The following SNX18 variants were observed in gnomAD, a reference collection of about 807,000 sequenced individuals.
SNX18 encodes the protein sorting nexin-18.
In SNX18, 35 loss-of-function variants were observed where a neutral mutation model predicts 48.7. That is an observed-to-expected ratio of 0.72 (90% CI 0.55 to 0.95). The LOEUF (loss-of-function observed/expected upper bound fraction) is 0.95, where lower values mean the gene tolerates loss of function less well. SNX18 is among the 40% of genes least tolerant of loss of function. SNX18 has a pLI of 0.00. For synonymous variants in SNX18, 492 were observed against 384.7 expected, an observed-to-expected ratio of 1.28 and a Z score of -3.26; for missense variants, 824 against 871.0, an observed-to-expected ratio of 0.95 and a Z score of 0.68.
the SNX18 span, among the ~76,000 whole-genome samples, chr5:54,631,268 A>C: frequency 2.0e-5 from 3 of 152,252 alleles, no homozygotes; most frequent in Admixed American, 2.0e-4. Flanking sequence ...CTCTAAAGGA[A>C]TGTTTCATAG....
downstream of SNX18, among the ~76,000 whole-genome samples, chr5:54,547,377 A>G (rs1383232070): frequency 6.6e-6 from 1 of 152,234 alleles, no homozygotes; most frequent in Non-Finnish European, 1.5e-5. Context: ...CACACAAACT[A>G]AATGATGGAG....
chr5:54,526,387 T>G (rs1762132538), intron 1 of SNX18, among the ~76,000 whole-genome samples: 1 of 152,124 alleles, frequency 6.6e-6, no homozygotes, highest in African/African-American at 2.4e-5. Flanking sequence ...GGATTACAGG[T>G]GTGAGCCACC....
chr5:54,588,295 T>C, the SNX18 span, among the ~76,000 whole-genome samples: 1 of 142,122 alleles, frequency 7.0e-6, no homozygotes, highest in Non-Finnish European at 1.5e-5. Context: ...AAAAATACTG[T>C]TATTTCTATT....
chr5:54,582,635 A>C, the SNX18 span, among the ~76,000 whole-genome samples: 3 of 152,174 alleles, frequency 2.0e-5, no homozygotes, highest in Admixed American at 6.5e-5. Context: ...ACAACAACAA[A>C]AAAAACATTA....
At chr5:54,584,962 T>C in the SNX18 span, among the ~76,000 whole-genome samples, 3 of 152,180 alleles carry the variant, frequency 2.0e-5, no homozygotes, top group Non-Finnish European at 4.4e-5. Context: ...TGTTTGCCAC[T>C]CACTCTGTGG....
Position 54,518,886 on chromosome 5 carries a change from C to T in SNX18, c.934C>T (p.Arg312Cys). 1 of 1,613,862 alleles carries T rather than the reference C, an allele frequency of 6.2e-7. No homozygotes were observed. Among genetic ancestry groups the T allele is most frequent in the Non-Finnish European group, 8.5e-7 (1 of 1,179,908 alleles). The change falls in exon 1 of 2, where the codon CGC (arginine) becomes TGC (cysteine). Residue 312 changes from arginine to cysteine, a missense_variant. Arg to Cys is a radical substitution (Grantham distance 180, BLOSUM62 -3). Coordinates refer to ENST00000381410, the MANE Select transcript of SNX18 (RefSeq NM_001102575.2). ...GCACACGCAGGTGCCGGTGCATCGG[C>T]GCTACAAGCACTTCGACTGGCTGTA... ...PTHTQVPVHRRYKHFDWLYAR... is the reference protein window; with the variant it reads ...PTHTQVPVHRCYKHFDWLYAR...
the SNX18 span, among the ~76,000 whole-genome samples, chr5:54,580,852 A>G: frequency 6.6e-6 from 1 of 152,258 alleles, no homozygotes; most frequent in Non-Finnish European, 1.5e-5. Flanking sequence ...TTAATGTTAC[A>G]TGTCATAGTA....
At chr5:54,595,462 C>G in the SNX18 span, among the ~76,000 whole-genome samples, 1 of 152,266 alleles carries the variant, frequency 6.6e-6, no homozygotes, top group East Asian at 1.9e-4. Flanking sequence ...GTCTCCAACT[C>G]CTGACCTCAT....
the SNX18 span, among the ~76,000 whole-genome samples, chr5:54,641,961 T>C: frequency 6.6e-6 from 1 of 152,192 alleles, no homozygotes; most frequent in African/African-American, 2.4e-5. Flanking sequence ...ACTAAAGAGC[T>C]ATTCAAGGAC....
the SNX18 span, chr5:54,644,480 G>C: frequency 2.6e-5 from 4 of 152,130 alleles, no homozygotes; most frequent in Admixed American, 1.3e-4. Flanking sequence ...GAGATTGCTG[G>C]CATCTACCCA....
the SNX18 span, among the ~76,000 whole-genome samples, chr5:54,577,176 T>C: frequency 3.3e-5 from 5 of 152,134 alleles, no homozygotes; most frequent in African/African-American, 1.2e-4. Context: ...TCTAATTCCA[T>C]CAGTTTTTAG....
At chr5:54,561,078 G>A in the SNX18 span, among the ~76,000 whole-genome samples, 1 of 152,298 alleles carries the variant, frequency 6.6e-6, no homozygotes, top group African/African-American at 2.4e-5. Flanking sequence ...GTTTTGTTCT[G>A]ATTGCCCAGG....
At chr5:54,609,523 T>G in the SNX18 span, among the ~76,000 whole-genome samples, 9 of 152,246 alleles carry the variant, frequency 5.9e-5, no homozygotes, top group Non-Finnish European at 1.0e-4. Context: ...CTTGCTATGT[T>G]GCTCAGGCTG....
the SNX18 span, among the ~76,000 whole-genome samples, chr5:54,578,023 C>T: frequency 6.6e-6 from 1 of 152,124 alleles, no homozygotes; most frequent in Non-Finnish European, 1.5e-5. Flanking sequence ...CTGGCCAGGC[C>T]CCACCTCCTT....
the SNX18 span, among the ~76,000 whole-genome samples, chr5:54,612,264 ATT>A: frequency 0.44 from 65,004 of 148,488 alleles, 14,257 homozygotes; most frequent in East Asian, 0.51. Context: ...ATTTTTTTTT[ATT>A]TTTTTTTTTT....
At chr5:54,527,561 T>G (rs2112844030) in intron 1 of SNX18, among the ~76,000 whole-genome samples, 1 of 152,296 alleles carries the variant, frequency 6.6e-6, no homozygotes, top group African/African-American at 2.4e-5. Flanking sequence ...GTTTTCTCCT[T>G]TTAGGTAGAT....
At chr5:54,610,539 T>C in the SNX18 span, among the ~76,000 whole-genome samples, 2 of 152,246 alleles carry the variant, frequency 1.3e-5, no homozygotes, top group Non-Finnish European at 2.9e-5. Flanking sequence ...GAGATTCAGA[T>C]GCTTCCCCTC....
At chr5:54,519,897 A>C in intron 1 of SNX18, 1 of 1,392,310 alleles carries the variant, frequency 7.2e-7, no homozygotes, top group Non-Finnish European at 9.8e-7. Flanking sequence ...CGAGGGTAGA[A>C]TTAGAAGGGG....
chr5:54,606,718 C>A, the SNX18 span, among the ~76,000 whole-genome samples: 6 of 152,276 alleles, frequency 3.9e-5, no homozygotes, highest in Admixed American at 1.3e-4. Context: ...CAGTTTCTCC[C>A]AATGTAACAT....
Sources: allele counts gnomAD v4.1 joint callset (sites outside exome capture counted in the v4.1 genomes callset), GRCh38; gene constraint gnomAD v4.1.1; transcripts MANE v1.5; gene names NCBI Gene and HGNC (gene_info 2026-07-23, HGNC 2026-07-21).